The following PIK3C2B variants were observed in gnomAD, a reference collection of about 807,000 sequenced individuals.
PIK3C2B encodes the protein phosphatidylinositol 4-phosphate 3-kinase C2 domain-containing subunit beta.
PIK3C2B carries 83 observed loss-of-function variants against 184.3 expected under a neutral mutation model. That is an observed-to-expected ratio of 0.45 (90% confidence interval 0.38 to 0.54). PIK3C2B has a LOEUF of 0.54. PIK3C2B is among the 20% of genes least tolerant of loss of function. The pLI, the probability that PIK3C2B is intolerant of heterozygous loss-of-function variation, is 0.00. For synonymous variants in PIK3C2B, 779 were observed against 837.6 expected, an observed-to-expected ratio of 0.93 and a Z score of 1.21; for missense variants, 1,736 against 2,113.5, an observed-to-expected ratio of 0.82 and a Z score of 3.50.
intron 9 of PIK3C2B, among the ~76,000 whole-genome samples, chr1:204,457,367 C>T (rs986199712): frequency 1.3e-5 from 2 of 152,218 alleles, no homozygotes; most frequent in Non-Finnish European, 2.9e-5. Flanking sequence ...GAGCACACAG[C>T]CCCTGCTGGA....
At chr1:204,461,772 A>C (rs1655354848) in intron 5 of PIK3C2B, among the ~76,000 whole-genome samples, 1 of 151,310 alleles carries the variant, frequency 6.6e-6, no homozygotes, top group East Asian at 2.0e-4. Context: ...GGAGGAAGGA[A>C]GAGTGTGGTG....
intron 19 of PIK3C2B, among the ~76,000 whole-genome samples, chr1:204,442,838 C>A (rs574536944): frequency 6.6e-4 from 100 of 152,304 alleles, no homozygotes; most frequent in Non-Finnish European, 9.8e-4. Flanking sequence ...CCAAATAGCT[C>A]TAGAGGGGAG....
chr1:204,484,107 A>G (rs1226018903), intron 1 of PIK3C2B, among the ~76,000 whole-genome samples: 2 of 152,196 alleles, frequency 1.3e-5, no homozygotes, highest in African/African-American at 2.4e-5. Flanking sequence ...AAAGAGAAGG[A>G]AGGCAGAGAA....
At chr1:204,463,010 G>A (rs1655457224) in intron 5 of PIK3C2B, among the ~76,000 whole-genome samples, 1 of 152,144 alleles carries the variant, frequency 6.6e-6, no homozygotes, top group African/African-American at 2.4e-5. Flanking sequence ...TGAGCTGAGT[G>A]AGATGGCGCC....
At chr1:204,490,012 G>A (rs1028466186) in intron 1 of PIK3C2B, 57 of 397,222 alleles carry the variant, frequency 1.4e-4, no homozygotes, top group East Asian at 3.2e-4. Flanking sequence ...TTGGCTTAGC[G>A]AGGCTTGAGG....
intron 1 of PIK3C2B, among the ~76,000 whole-genome samples, chr1:204,486,625 G>A (rs1175306666): frequency 1.3e-5 from 2 of 152,064 alleles, no homozygotes; most frequent in African/African-American, 4.8e-5. Context: ...AGCTACTTGG[G>A]AGGCAGAGGT....
At chr1:204,480,610 G>A (rs1419585770) in intron 1 of PIK3C2B, among the ~76,000 whole-genome samples, 1 of 152,086 alleles carries the variant, frequency 6.6e-6, no homozygotes, top group African/African-American at 2.4e-5. Flanking sequence ...AGGTGGTGGT[G>A]CTGTCTGTGG....
Position 204,468,931 on chromosome 1 carries a change from G to A in PIK3C2B, c.872C>T (p.Ser291Phe), listed in dbSNP as rs751934586. Reference sequence around the variant, plus strand: ...CGCATTCTTTCGGTTGCCATAGCGGGAGGCATAGGTGCGGGGGGGCACCTG... The same window carrying A: ...CGCATTCTTTCGGTTGCCATAGCGGAAGGCATAGGTGCGGGGGGGCACCTG... Reference protein sequence around the residue: ...PPQVPPRTYASRYGNRKNATP... With the variant: ...PPQVPPRTYAFRYGNRKNATP... The change falls in exon 2 of 33, where the codon TCC becomes TTC. Residue 291 changes from serine to phenylalanine, a missense_variant. Physicochemically the swap from Ser to Phe is radical, Grantham distance 155. This residue lies in a region of PIK3C2B where 404 missense variants were observed against 418.0 expected (regional missense o/e 0.97). Coordinates refer to ENST00000684373, the MANE Select transcript of PIK3C2B (RefSeq NM_001377334.1). 6 of 1,611,280 alleles carry A rather than the reference G, an allele frequency of 3.7e-6. No homozygotes were observed. The Admixed American group carries it at 5.0e-5, about 13-fold the overall frequency.
At chr1:204,440,765 T>TTATATATATATATATATATATATA (rs34842826) in intron 21 of PIK3C2B, among the ~76,000 whole-genome samples, 2 of 140,058 alleles carry the variant, frequency 1.4e-5, no homozygotes, top group African/African-American at 5.2e-5. Flanking sequence ...CCCAGCTAAT[T>TTATATATATATATATATATATATA]TATATATATA....
chr1:204,430,068 C>G lies in PIK3C2B; in HGVS notation c.4281-30G>C, dbSNP rs780730691. 5.6e-6 allele frequency: 8 copies of G among 1,419,402 alleles called. No homozygotes were observed. In the South Asian group the frequency reaches 6.9e-5, roughly 12 times the overall value. 87.9% of individuals were successfully genotyped at this position (1,419,402 alleles called of 1,614,324 possible). The stretch of plus-strand genomic sequence containing the variant: ...CGTGGCAGCGTAGGCAGCGGGGATG[C>G]AGGAGGTGAAGATGGGGAAAGAAAA... On this transcript the variant is annotated intron_variant, in intron 28 of 32. Transcript: ENST00000684373.
chr1:204,456,444 C>T (rs568669052), intron 10 of PIK3C2B, among the ~76,000 whole-genome samples: 22 of 152,248 alleles, frequency 1.4e-4, no homozygotes, highest in Middle Eastern at 3.4e-3. Flanking sequence ...GGACATTTTA[C>T]TGGTCTATGA....
chr1:204,492,621 C>T (rs897143575), intron 1 of PIK3C2B, among the ~76,000 whole-genome samples: 2 of 152,132 alleles, frequency 1.3e-5, no homozygotes, highest in Non-Finnish European at 2.9e-5. Flanking sequence ...CATACTAGGT[C>T]ATGACAAAGA....
chr1:204,479,537 G>A (rs939573871), intron 1 of PIK3C2B, among the ~76,000 whole-genome samples: 6 of 152,078 alleles, frequency 3.9e-5, no homozygotes, highest in African/African-American at 7.2e-5. Context: ...AACCCTAAAC[G>A]CTCTGAAAAT....
intron 1 of PIK3C2B, among the ~76,000 whole-genome samples, chr1:204,475,983 A>C (rs1276595096): frequency 2.0e-5 from 3 of 152,126 alleles, no homozygotes. Flanking sequence ...GGTGGCAGTG[A>C]GGAAATGGGA....
intron 5 of PIK3C2B, among the ~76,000 whole-genome samples, chr1:204,462,475 CT>C (rs1310178573): frequency 1.3e-5 from 2 of 152,222 alleles, no homozygotes; most frequent in African/African-American, 4.8e-5. Context: ...GAATTCAAAC[CT>C]GTGTAATGGC....
chr1:204,469,262 A>G lies in PIK3C2B; in HGVS notation c.541T>C (p.Ser181Pro). ...LPPRKGSPSS[S>P]KISQPSDINT... ...ATGTCACTGGGCTGGGAGATCTTGG[A>G]GGATGAGGGGGACCCCTTTCTGGGA... Residue 181 changes from serine to proline, a missense_variant, in exon 2 of 33, where the codon TCC (serine) becomes CCC (proline). Physicochemically the swap from Ser to Pro is moderately conservative, Grantham distance 74 (BLOSUM62 -1). This residue lies in a region of PIK3C2B where 404 missense variants were observed against 418.0 expected (regional missense o/e 0.97). Transcript: ENST00000684373. The G allele has an allele frequency of 1.3e-6, 2 of 1,564,508 alleles. No individual in the cohort carries two copies. Among genetic ancestry groups the G allele is most frequent in the Non-Finnish European group, 8.7e-7 (1 of 1,154,116 alleles).
intron 28 of PIK3C2B, among the ~76,000 whole-genome samples, chr1:204,431,172 G>T (rs1489022701): frequency 6.6e-6 from 1 of 152,160 alleles, no homozygotes; most frequent in Non-Finnish European, 1.5e-5. Context: ...TGGGCAACTA[G>T]CTTTCTACTT....
chr1:204,442,617 C>A lies in PIK3C2B; in HGVS notation c.3065G>T (p.Gly1022Val), dbSNP rs1675725324. ...AAAGAACTGCTTCACCTCCTCCAGG[C>A]CCGTGCGGAGGATTCCCTGGAAAGA... ...PSARQGILRT[G>V]LEEVKQFFAL... The change falls in exon 20 of 33, where the codon GGC (glycine) becomes GTC (valine). Residue 1022 changes from glycine (G) to valine (V), a missense_variant. Physicochemically the swap from Gly to Val is moderately radical, Grantham distance 109 (BLOSUM62 -3). This residue lies in a region of PIK3C2B where 289 missense variants were observed against 380.4 expected (regional missense o/e 0.76). Transcript: ENST00000684373. 1 of 1,551,814 alleles carries A rather than the reference C, an allele frequency of 6.4e-7. No individual in the cohort carries two copies. Among genetic ancestry groups the A allele is most frequent in the Non-Finnish European group, 8.7e-7 (1 of 1,146,698 alleles).
In PIK3C2B at chr1:204,464,171, G is replaced by A. The variant is rs532039133; in HGVS notation, c.1190-39C>T. ...GGTAGGGGGAGCAATCATGATGGAT[G>A]TCAAGGCAGATGGGTCTCAGTTTCC... On this transcript the variant is annotated intron_variant, in intron 4 of 32. Coordinates refer to ENST00000684373, the MANE Select transcript of PIK3C2B (RefSeq NM_001377334.1). 3.1e-6 allele frequency: 5 copies of A among 1,609,022 alleles called. No individual in the cohort carries two copies. In the South Asian group the frequency reaches 5.5e-5, roughly 18 times the overall value.
Sources: gnomAD v4.1 joint callset for allele counts (sites outside exome capture counted in the v4.1 genomes callset) on GRCh38, gnomAD v4.1.1 for gene constraint, gnomAD v4.1.1 regional missense constraint, MANE v1.5 for transcripts, NCBI Gene and HGNC (gene_info 2026-07-23, HGNC 2026-07-21) for gene names.